The following FCN2 variants were observed in gnomAD, a reference collection of about 807,000 sequenced individuals.
FCN2 encodes ficolin-2.
A neutral mutation model predicts 32.5 loss-of-function variants in FCN2; 31 were observed. The observed-to-expected ratio is 0.96, with a 90% confidence interval of 0.72 to 1.29. The LOEUF is 1.29. FCN2 is among the 50% of genes most tolerant of loss of function. FCN2 has a pLI of 0.00. For missense variants in FCN2, 412 were observed against 406.5 expected, an observed-to-expected ratio of 1.01 and a Z score of -0.12; for synonymous variants, 181 against 164.5, an observed-to-expected ratio of 1.10 and a Z score of -0.77.
chr9:134,885,439 C>G (rs150012177), intron 5 of FCN2, 73 bp downstream of exon 5: 3 of 1,582,202 alleles, frequency 1.9e-6, no homozygotes, highest in African/African-American at 1.3e-5. Context: ...GGTGGGAGAA[C>G]ACACTCTGGA....
the FCN2 span, among the ~76,000 whole-genome samples, chr9:134,867,538 C>A: frequency 1.0e-3 from 152 of 148,680 alleles, no homozygotes; most frequent in Non-Finnish European, 1.8e-3. Flanking sequence ...ATACCTAATG[C>A]TAGATGACGA....
At chr9:134,868,718 T>G in the FCN2 span, among the ~76,000 whole-genome samples, 2 of 152,196 alleles carry the variant, frequency 1.3e-5, no homozygotes, top group Admixed American at 1.3e-4. This position sits in a 1 kb window ranked among gnomAD's most constrained non-coding sequence, Gnocchi z 4.3. Context: ...CAGCCATCAG[T>G]GCTTGCTTGC....
Position 134,885,434 on chromosome 9 carries a change from G to T in FCN2, c.429+68G>T, listed in dbSNP as rs1335561132. The T allele has an allele frequency of 6.0e-5, 96 of 1,588,772 alleles. 1 individual carries two copies. In the East Asian group the frequency reaches 1.6e-3, roughly 27 times the overall value. ...GGAGGCCAGGCTGCACACCTGGTGG[G>T]AGAACACACTCTGGAATTCTCTATT... On this transcript the variant is annotated intron_variant, in intron 5 of 7. Transcript: ENST00000291744.
upstream of FCN2, chr9:134,880,779 C>T (rs1203820461): frequency 6.7e-7 from 1 of 1,493,234 alleles, no homozygotes; most frequent in Admixed American, 1.7e-5. Flanking sequence ...CTTCTCTAGC[C>T]CTATAAGAGG....
intron 4 of FCN2, 81 bp downstream of exon 4, chr9:134,884,853 A>C (rs1210828702): frequency 4.0e-6 from 5 of 1,264,964 alleles, no homozygotes; most frequent in Non-Finnish European, 4.6e-6. Context: ...CGCCATTGCC[A>C]GAATGAAGTG....
chr9:134,866,716 G>C, the FCN2 span, among the ~76,000 whole-genome samples: 1 of 137,982 alleles, frequency 7.2e-6, no homozygotes, highest in Non-Finnish European at 1.6e-5. Flanking sequence ...TACAAAATGG[G>C]AGAAAATTTT....
At chr9:134,883,127 C>T (rs1830689225) in intron 2 of FCN2, among the ~76,000 whole-genome samples, 175 bp from the exon 3 acceptor site, 1 of 152,218 alleles carries the variant, frequency 6.6e-6, no homozygotes, top group Non-Finnish European at 1.5e-5. Context: ...AGGCCTGGGT[C>T]CTGGATCTAG....
the FCN2 span, among the ~76,000 whole-genome samples, chr9:134,865,932 G>C: frequency 1.3e-5 from 2 of 151,458 alleles, no homozygotes; most frequent in African/African-American, 4.9e-5. Context: ...AACTTACAAG[G>C]GATGTGAAGG....
chr9:134,872,621 G>A, the FCN2 span, among the ~76,000 whole-genome samples: 2 of 152,172 alleles, frequency 1.3e-5, no homozygotes, highest in Non-Finnish European at 2.9e-5. Context: ...GTCTCGCCGG[G>A]CAGCAGACAA....
At chr9:134,873,036 C>A in the FCN2 span, among the ~76,000 whole-genome samples, 1 of 152,032 alleles carries the variant, frequency 6.6e-6, no homozygotes, top group Non-Finnish European at 1.5e-5. Context: ...TGACGTTGAG[C>A]ATCTTTTCAT....
upstream of FCN2, among the ~76,000 whole-genome samples, chr9:134,879,262 C>G (rs1268068377): frequency 2.6e-5 from 4 of 152,306 alleles, no homozygotes; most frequent in South Asian, 8.3e-4. Context: ...AGGCCAGATT[C>G]TCTTGATTAT....
At chr9:134,878,640 C>T (rs913954886), upstream of FCN2, among the ~76,000 whole-genome samples, 2 of 152,142 alleles carry the variant, frequency 1.3e-5, no homozygotes, top group Admixed American at 1.3e-4. Flanking sequence ...GTCGGGAGTT[C>T]GAGACCAGCC....
upstream of FCN2, among the ~76,000 whole-genome samples, chr9:134,876,315 T>C (rs760275430): frequency 5.3e-5 from 8 of 152,246 alleles, no homozygotes; most frequent in Non-Finnish European, 1.0e-4. Flanking sequence ...TGTAACTTTC[T>C]GATTTTCAGA....
chr9:134,875,408 ATGTCTGGTCCC>A, the FCN2 span, among the ~76,000 whole-genome samples: 2 of 58,864 alleles, frequency 3.4e-5, no homozygotes, highest in African/African-American at 7.5e-5. Flanking sequence ...GCTCACAGCC[ATGTCTGGTCCC>A]CACTGGTCCC....
chr9:134,864,574 G>T, the FCN2 span, among the ~76,000 whole-genome samples: 1 of 152,188 alleles, frequency 6.6e-6, no homozygotes, highest in Non-Finnish European at 1.5e-5. Context: ...AGAGCCCCAG[G>T]GCTGAGCCGA....
At chr9:134,869,678 G>C in the FCN2 span, among the ~76,000 whole-genome samples, 1 of 152,254 alleles carries the variant, frequency 6.6e-6, no homozygotes, top group Non-Finnish European at 1.5e-5. Context: ...GCCCAGTGCG[G>C]CTGCTTCACA....
rs769632357 is a variant in FCN2 at position 134,885,905 on chromosome 9, C to A, written c.559+8C>A. On this transcript the variant is annotated splice_region_variant and intron_variant, in intron 6 of 7. Coordinates refer to ENST00000291744, the MANE Select transcript of FCN2 (RefSeq NM_004108.3). ...ACGCCCTGACCGCCCAGGGTAGGGCCGCTGCTGGGGCTTGGGGGTCGGGGG... is the reference window on the plus strand; with the variant it reads ...ACGCCCTGACCGCCCAGGGTAGGGCAGCTGCTGGGGCTTGGGGGTCGGGGG... 1.9e-6 allele frequency: 3 copies of A among 1,607,632 alleles called. No homozygotes were observed. The highest frequency in any genetic ancestry group is 2.5e-6 in the Non-Finnish European group (3 of 1,176,712).
At chr9:134,871,759 A>C in the FCN2 span, among the ~76,000 whole-genome samples, 1 of 152,228 alleles carries the variant, frequency 6.6e-6, no homozygotes, top group African/African-American at 2.4e-5. Context: ...TCTGGGTCCC[A>C]CAGGATTTTC....
chr9:134,877,494 G>A (rs988572214), upstream of FCN2, among the ~76,000 whole-genome samples: 17 of 152,060 alleles, frequency 1.1e-4, no homozygotes, highest in Admixed American at 3.3e-4. Flanking sequence ...ATTGTTGTCC[G>A]AGAACATACT....
Sources: gnomAD v4.1 joint callset for allele counts (sites outside exome capture counted in the v4.1 genomes callset) on GRCh38, gnomAD v4.1.1 for gene constraint, Gnocchi (gnomAD v3.1) non-coding constraint, MANE v1.5 for transcripts, NCBI Gene and HGNC (gene_info 2026-07-23, HGNC 2026-07-21) for gene names.